Variants in SUFU observed in about 807,000 individuals in gnomAD.
SUFU encodes suppressor of fused homolog.
SUFU carries 7 observed loss-of-function variants against 58.9 expected under a neutral mutation model. The ratio of observed to expected loss-of-function variants is 0.12; its 90% CI spans 0.07 to 0.22. The LOEUF (loss-of-function observed/expected upper bound fraction) is 0.22, where lower values mean the gene tolerates loss of function less well. Ranked by LOEUF, SUFU falls within the 10% of genes least tolerant of loss-of-function variation. The pLI is 1.00. For missense variants in SUFU, 451 were observed against 641.3 expected, an observed-to-expected ratio of 0.70 and a Z score of 3.20; for synonymous variants, 232 against 254.8, an observed-to-expected ratio of 0.91 and a Z score of 0.85.
chr10:102,522,104 T>TG (rs1458971823), intron 2 of SUFU, among the ~76,000 whole-genome samples: 4 of 152,220 alleles, frequency 2.6e-5, no homozygotes. Flanking sequence ...TTAACGCTGT[T>TG]GTCTGAATTC....
At chr10:102,596,243 G>A (rs1405640432) in intron 6 of SUFU, among the ~76,000 whole-genome samples, 1 of 152,200 alleles carries the variant, frequency 6.6e-6, no homozygotes, top group Non-Finnish European at 1.5e-5. Flanking sequence ...TGGTACCTGT[G>A]GAGCCGGGAA....
rs915737498 is a variant in SUFU at position 102,619,119 on chromosome 10, C to T, written c.1296+1691C>T. 3 of 1,612,590 alleles carry T rather than the reference C, an allele frequency of 1.9e-6. No individual in the cohort carries two copies. The African/African-American group carries it at 4.0e-5, about 22-fold the overall frequency. On this transcript the variant is annotated intron_variant, in intron 10 of 11. Coordinates refer to ENST00000369902, the MANE Select transcript of SUFU (RefSeq NM_016169.4). The surrounding 1 kb of genome is among the most constrained non-coding windows in gnomAD (Gnocchi z 4.2). ...TCCCGTCCTGGAACGTCTTTCTGCC[C>T]TGAGGAGAGGGTAGTCAGCATCTCC... is the stretch of plus-strand genomic sequence containing the variant.
At chr10:102,529,030 A>G (rs1305422844) in intron 2 of SUFU, among the ~76,000 whole-genome samples, 2 of 94,166 alleles carry the variant, frequency 2.1e-5, no homozygotes, top group African/African-American at 3.9e-5. Context: ...TTTTTTTTCT[A>G]TTATTTTGTT....
chr10:102,630,026 A>G (rs766265162), intron 11 of SUFU, 40 bp from the exon 12 acceptor site: 5 of 1,576,674 alleles, frequency 3.2e-6, no homozygotes, highest in Non-Finnish European at 3.5e-6. Flanking sequence ...GTATTCTGCT[A>G]ACCACTCACA....
intron 2 of SUFU, among the ~76,000 whole-genome samples, chr10:102,541,741 T>C (rs1414291452): frequency 7.2e-6 from 1 of 138,416 alleles, no homozygotes; most frequent in Non-Finnish European, 1.6e-5. Context: ...ACAGTTTTGC[T>C]CTTGGTGCCC....
rs1443387175 is a variant in SUFU at position 102,510,502 on chromosome 10, C to T, written c.317+1199C>T. On this transcript the variant is annotated intron_variant, in intron 2 of 11. Transcript: ENST00000369902. ...GGATTACAGGCGTGACGACTGTGCC[C>T]GGCCTGCTACCATCTATATTTTAAA... is the stretch of plus-strand genomic sequence containing the variant. 7.9e-5 allele frequency among the ~76,000 whole-genome samples: 12 copies of T among 151,098 alleles called. No homozygotes were observed. In the East Asian group the frequency reaches 1.2e-3, roughly 15 times the overall value.
At chr10:102,580,677 A>G (rs1026169641) in intron 3 of SUFU, among the ~76,000 whole-genome samples, 1 of 152,134 alleles carries the variant, frequency 6.6e-6, no homozygotes, top group Non-Finnish European at 1.5e-5. Context: ...ATTTGCCTGG[A>G]GGAGGCTCTG....
intron 2 of SUFU, among the ~76,000 whole-genome samples, chr10:102,524,527 T>C (rs1480738890): frequency 6.6e-6 from 1 of 152,010 alleles, no homozygotes; most frequent in East Asian, 1.9e-4. Flanking sequence ...GGTTTCACCA[T>C]GTTGGCCAGG....
chr10:102,563,752 C>T (rs552729881), intron 3 of SUFU, among the ~76,000 whole-genome samples: 1 of 150,668 alleles, frequency 6.6e-6, no homozygotes, highest in South Asian at 2.1e-4. Context: ...GTGAAATGGC[C>T]AGTTTGGGGA....
At chr10:102,554,968 T>C (rs2062957727) in intron 3 of SUFU, among the ~76,000 whole-genome samples, 1 of 152,126 alleles carries the variant, frequency 6.6e-6, no homozygotes, top group Non-Finnish European at 1.5e-5. Flanking sequence ...ATTCAGTCTT[T>C]AAAAACTTTA....
intron 8 of SUFU, among the ~76,000 whole-genome samples, chr10:102,607,742 C>G (rs1263324921): frequency 6.6e-6 from 1 of 151,966 alleles, no homozygotes; most frequent in Non-Finnish European, 1.5e-5. Context: ...GGTGAAACCC[C>G]GTCTCTACTA....
chr10:102,509,683 G>T (rs1367960933), intron 2 of SUFU, among the ~76,000 whole-genome samples: 5 of 152,108 alleles, frequency 3.3e-5, no homozygotes, highest in Non-Finnish European at 5.9e-5. Flanking sequence ...GGATTTTATA[G>T]TGAACACTCA....
At chr10:102,541,860 C>T (rs1351903271) in intron 2 of SUFU, among the ~76,000 whole-genome samples, 15 of 148,892 alleles carry the variant, frequency 1.0e-4, no homozygotes, top group Admixed American at 4.1e-4. Context: ...AGGTGTACAC[C>T]GCCATGCCCG....
chr10:102,536,718 C>T (rs1335249851), intron 2 of SUFU, among the ~76,000 whole-genome samples: 1 of 152,102 alleles, frequency 6.6e-6, no homozygotes, highest in Middle Eastern at 3.2e-3. Context: ...GTATTTACAT[C>T]AACATTTTGA....
intron 9 of SUFU, among the ~76,000 whole-genome samples, chr10:102,616,600 T>C (rs1590083509): frequency 6.6e-6 from 1 of 152,250 alleles, no homozygotes; most frequent in African/African-American, 2.4e-5. Flanking sequence ...AGAGGGCAGG[T>C]TCCACTTCCT....
intron 3 of SUFU, among the ~76,000 whole-genome samples, chr10:102,563,312 A>G (rs939969222): frequency 2.6e-5 from 4 of 152,202 alleles, no homozygotes; most frequent in African/African-American, 9.6e-5. Flanking sequence ...AAGCAAATAA[A>G]TATTTGATTC....
At chr10:102,519,548 T>G (rs2062521587) in intron 2 of SUFU, among the ~76,000 whole-genome samples, 1 of 136,052 alleles carries the variant, frequency 7.4e-6, no homozygotes, top group Non-Finnish European at 1.6e-5. Flanking sequence ...AAAAAAAGTC[T>G]TCTGCAACCT....
At chr10:102,567,335 G>A (rs893337897) in intron 3 of SUFU, among the ~76,000 whole-genome samples, 2 of 152,046 alleles carry the variant, frequency 1.3e-5, no homozygotes, top group African/African-American at 4.8e-5. Context: ...AAAAAAAAAG[G>A]CCAGGGCAGT....
intron 8 of SUFU, among the ~76,000 whole-genome samples, chr10:102,608,215 CTCTG>C (rs1332538997): frequency 2.1e-5 from 3 of 143,748 alleles, no homozygotes; most frequent in African/African-American, 7.7e-5. Context: ...CAGAGCGAGA[CTCTG>C]TCTAAAAAAA....
Sources: allele counts gnomAD v4.1 joint callset (sites outside exome capture counted in the v4.1 genomes callset), GRCh38; gene constraint gnomAD v4.1.1; non-coding constraint Gnocchi (gnomAD v3.1); transcripts MANE v1.5; gene names NCBI Gene and HGNC (gene_info 2026-07-23, HGNC 2026-07-21).